Variants in CSF3R observed in about 807,000 individuals in gnomAD.
CSF3R encodes granulocyte colony-stimulating factor receptor.
CSF3R carries 52 observed loss-of-function variants against 84.4 expected under a neutral mutation model. That is an observed-to-expected ratio of 0.62 (90% CI 0.49 to 0.78). CSF3R has a LOEUF of 0.78. Among genes scored for constraint, CSF3R ranks in the 30% least tolerant of loss-of-function variants. CSF3R has a pLI of 0.00. For synonymous variants in CSF3R, 384 were observed against 429.1 expected, an observed-to-expected ratio of 0.89 and a Z score of 1.30; for missense variants, 890 against 1,055.7, an observed-to-expected ratio of 0.84 and a Z score of 2.17.
rs565088221 is a variant in CSF3R at position 36,475,487 on chromosome 1, T to G, written c.251A>C (p.Glu84Ala). 1.5e-5 allele frequency: 25 copies of G among 1,614,042 alleles called. No individual in the cohort carries two copies. The Admixed American group carries it at 3.0e-4, about 19-fold the overall frequency. Residue 84 changes from glutamate (E) to alanine (A), a missense_variant, in exon 4 of 17, where the codon GAA (glutamate) becomes GCA (alanine). By Grantham distance (107) the Glu-to-Ala change is moderately radical. Transcript: ENST00000373106. ...RQQRLSDGTQ[E>A]SIITLPHLNH... ...GAGGTGGGGCAGGGTGATGATAGATTCCTGGGTCCCATCAGACAGACGCTG... is the reference window on the plus strand; with the variant it reads ...GAGGTGGGGCAGGGTGATGATAGATGCCTGGGTCCCATCAGACAGACGCTG...
chr1:36,469,703 T>C lies in CSF3R; in HGVS notation c.1423A>G (p.Lys475Glu), dbSNP rs758590870. 1.9e-6 allele frequency: 3 copies of C among 1,614,040 alleles called. No homozygotes were observed. The African/African-American group carries it at 4.0e-5, about 22-fold the overall frequency. The change falls in exon 11 of 17, where the codon AAG (lysine) becomes GAG (glutamate). Residue 475 changes from lysine to glutamate, a missense_variant. Transcript: ENST00000373106. ...LGPPSASNSNKTWRMEQNGRA... is the reference protein window; with the variant it reads ...LGPPSASNSNETWRMEQNGRA... ...CCATTCTGTTCCATCCTCCAGGTCTTGTTGCTATTGCTCGCGCTGGGGGGG... is the reference window on the plus strand; with the variant it reads ...CCATTCTGTTCCATCCTCCAGGTCTCGTTGCTATTGCTCGCGCTGGGGGGG...
At chr1:36,468,498 C>G in intron 12 of CSF3R, 1 of 344,210 alleles carries the variant, frequency 2.9e-6, no homozygotes, top group South Asian at 6.1e-5. Context: ...CTGATTTCTG[C>G]CACTCACTCT....
chr1:36,471,521 C>T lies in CSF3R; in HGVS notation c.1197G>A (p.Leu399=), dbSNP rs898927823. ...NTTELSCTFH[L]PSEAQEVALV... is the part of the protein sequence containing the mutation. ...GGGCCACCTCCTGGGCTTCTGAAGG[C>T]AGGTGGAAGGTGCAGCTGAGCTCTG... The change falls in exon 10 of 17, where the codon CTG becomes CTA. Residue 399 remains leucine, a synonymous_variant. Coordinates refer to ENST00000373106, the MANE Select transcript of CSF3R (RefSeq NM_000760.4). The T allele has an allele frequency of 6.2e-6, 10 of 1,614,260 alleles. No individual in the cohort carries two copies. The highest frequency in any genetic ancestry group is 8.5e-6 in the Non-Finnish European group (10 of 1,180,052).
rs1053367419 is a variant in CSF3R, at chr1:36,472,801, C to T, written c.674-115G>A. 1.6e-5 allele frequency: 20 copies of T among 1,270,760 alleles called. No homozygotes were observed. Among genetic ancestry groups the T allele is most frequent in the Admixed American group, 1.2e-4 (4 of 34,732 alleles). 78.7% of individuals were successfully genotyped at this position (1,270,760 alleles called of 1,614,324 possible). ...CCATCTGTCCACGTTGCCAATGACACGTTTCTGTGGTTCGATCTCTATGTG... is the reference window on the plus strand; with the variant it reads ...CCATCTGTCCACGTTGCCAATGACATGTTTCTGTGGTTCGATCTCTATGTG... On this transcript the variant is annotated intron_variant, in intron 6 of 16. Coordinates refer to ENST00000373106, the MANE Select transcript of CSF3R (RefSeq NM_000760.4). This position sits in a 1 kb window ranked among gnomAD's most constrained non-coding sequence, Gnocchi z 5.0.
chr1:36,470,447 A>G (rs974529121), intron 10 of CSF3R, among the ~76,000 whole-genome samples: 5 of 152,156 alleles, frequency 3.3e-5, no homozygotes, highest in Non-Finnish European at 5.9e-5. Flanking sequence ...AGCCTCCCAA[A>G]GTGCTGGGAT....
chr1:36,467,769 G>C lies in CSF3R; in HGVS notation c.1864+53C>G. The C allele has an allele frequency of 6.2e-7, 1 of 1,613,970 alleles. No homozygotes were observed. On this transcript the variant is annotated intron_variant, in intron 14 of 16. Transcript: ENST00000373106. The surrounding 1 kb of genome is among the most constrained non-coding windows in gnomAD (Gnocchi z 4.1). The stretch of plus-strand genomic sequence containing the variant: ...GCTACTCTCAAAATCAGCATCCTTT[G>C]GGTGGGGTACCCTCCAAACAGCCAT...
rs747226571 is a variant in CSF3R, at chr1:36,467,301, G to T, written c.1969C>A (p.Pro657Thr). 1 of 1,614,212 alleles carries T rather than the reference G, an allele frequency of 6.2e-7. No individual in the cohort carries two copies. The highest frequency in any genetic ancestry group is 1.7e-5 in the Admixed American group (1 of 60,034). ...WLCCSPNRKN[P>T]LWPSVPDPAH... ...GGGTCTGGGACACTTGGCCAGAGGG[G>T]ATTCTTCCTGCTGGAGAAGGGGGCA... Residue 657 changes from proline (P) to threonine (T), a missense_variant, in exon 16 of 17, where the codon CCC becomes ACC. Coordinates refer to ENST00000373106, the MANE Select transcript of CSF3R (RefSeq NM_000760.4). The surrounding 1 kb of genome is among the most constrained non-coding windows in gnomAD (Gnocchi z 4.1).
rs139332126 is a variant in CSF3R at position 36,473,802 on chromosome 1, C to G, written c.447G>C (p.Glu149Asp). Residue 149 changes from glutamate (E) to aspartate (D), a missense_variant, in exon 5 of 17, where the codon GAG becomes GAC. Physicochemically the swap from Glu to Asp is conservative, Grantham distance 45. Coordinates refer to ENST00000373106, the MANE Select transcript of CSF3R (RefSeq NM_000760.4). Reference protein sequence around the residue: ...SLICQWEPGPETHLPTSFTLK... With the variant: ...SLICQWEPGPDTHLPTSFTLK... ...GAGTGAAGCTGGTGGGTAGGTGGGT[C>G]TCAGGTCCTGGCTCCCACTGGCAGA... 4.4e-3 allele frequency: 7,085 copies of G among 1,614,236 alleles called. 32 individuals are homozygous for G. Among genetic ancestry groups the G allele is most frequent in the Non-Finnish European group, 5.3e-3 (6,259 of 1,180,052 alleles).
chr1:36,466,242 A>T lies in CSF3R; in HGVS notation c.*115T>A. ...GAGAGGGAGATGCTGGTGACTGGAG[A>T]TGGTGAGAGCCTGGGCTGGGGTAGT... On this transcript the variant is annotated 3_prime_UTR_variant, in exon 17 of 17. Transcript: ENST00000373106. This position sits in a 1 kb window ranked among gnomAD's most constrained non-coding sequence, Gnocchi z 4.6. The T allele has an allele frequency of 6.2e-7, 1 of 1,613,848 alleles. No homozygotes were observed. Among genetic ancestry groups the T allele is most frequent in the East Asian group, 2.2e-5 (1 of 44,862 alleles).
At chr1:36,481,599 T>C (rs1651525904) in intron 1 of CSF3R, 62 bp from the exon 2 acceptor site, 1 of 152,260 alleles carries the variant, frequency 6.6e-6, no homozygotes, top group African/African-American at 2.4e-5. Flanking sequence ...TGAAATGAGA[T>C]TATTTTGGTA....
At position 36,469,215 on chromosome 1, in the gene CSF3R, G is replaced by A; in HGVS notation, c.1517C>T (p.Pro506Leu). Residue 506 changes from proline to leucine, a missense_variant, in exon 12 of 17, where the codon CCC becomes CTC. Transcript: ENST00000373106. ...PFQLYEIIVT[P>L]LYQDTMGPSQ... ...GGGTCCCATGGTGTCCTGGTACAAG[G>A]GAGTCACGATGATCTCATAGAGCTG... The A allele has an allele frequency of 6.2e-7, 1 of 1,614,110 alleles. No individual in the cohort carries two copies. Among genetic ancestry groups the A allele is most frequent in the Non-Finnish European group, 8.5e-7 (1 of 1,180,004 alleles).
Position 36,471,188 on chromosome 1 carries a change from G to A in CSF3R, c.1285+245C>T, listed in dbSNP as rs183498048. On this transcript the variant is annotated intron_variant, in intron 10 of 16. Coordinates refer to ENST00000373106, the MANE Select transcript of CSF3R (RefSeq NM_000760.4). ...AGCCTCCGGAGTAGCTGGGATTACA[G>A]GTGCCCGCCACTATGCCTGGCTAAT... Among the ~76,000 whole-genome samples, 231 of 152,260 alleles carry A rather than the reference G, an allele frequency of 1.5e-3. 1 individual carries two copies. Among genetic ancestry groups the A allele is most frequent in the African/African-American group, 5.3e-3 (220 of 41,562 alleles).
rs772652591 is a variant in CSF3R, at chr1:36,472,390, A to T, written c.845T>A (p.Val282Glu). ...AAGGGCCTCCAAGGGGAGGGGGCCC[A>T]CCTGGTGAGGGGTGGACAGGACTCT... The part of the protein sequence containing the change: ...PQRGEASWAL[V>E]GPLPLEALQY... The change falls in exon 8 of 17, where the codon GTG (valine) becomes GAG (glutamate). Residue 282 changes from valine (V) to glutamate (E), a missense_variant and splice_region_variant. By Grantham distance (121) the Val-to-Glu change is moderately radical. Transcript: ENST00000373106. The surrounding 1 kb of genome is among the most constrained non-coding windows in gnomAD (Gnocchi z 5.0). The T allele has an allele frequency of 2.5e-6, 4 of 1,613,934 alleles. No homozygotes were observed. The Admixed American group carries it at 6.7e-5, about 27-fold the overall frequency.
intron 10 of CSF3R, among the ~76,000 whole-genome samples, chr1:36,470,102 G>A (rs990281934): frequency 6.6e-6 from 1 of 152,236 alleles, no homozygotes; most frequent in African/African-American, 2.4e-5. Context: ...TCTTGTTAGT[G>A]ATAACAGCTA....
chr1:36,468,186 T>C lies in CSF3R; in HGVS notation c.1612A>G (p.Ile538Val), dbSNP rs375571657. 1.2e-6 allele frequency: 2 copies of C among 1,609,166 alleles called. No homozygotes were observed. The highest frequency in any genetic ancestry group is 1.7e-6 in the Non-Finnish European group (2 of 1,177,352). ...SHAPELHLKH[I>V]GKTWAQLEWV... ...TCCAGCTGTGCCCAGGTCTTGCCAA[T>C]GTGCTTTAGATGCAGCTCTGGGGCA... The change falls in exon 13 of 17, where the codon ATT (isoleucine) becomes GTT (valine). Residue 538 changes from isoleucine (I) to valine (V), a missense_variant. Physicochemically the swap from Ile to Val is conservative, Grantham distance 29. Coordinates refer to ENST00000373106, the MANE Select transcript of CSF3R (RefSeq NM_000760.4).
At chr1:36,471,756 G>T in intron 9 of CSF3R, 110 bp from the exon 10 acceptor site, 2 of 1,108,290 alleles carry the variant, frequency 1.8e-6, no homozygotes, top group Admixed American at 2.0e-5. Context: ...CCCAGGCTGG[G>T]GTCCAGGCTT....
In CSF3R at chr1:36,469,171, A is replaced by G; in HGVS notation, c.1561T>C (p.Tyr521His). 6.2e-7 allele frequency: 1 copy of G among 1,613,548 alleles called. No individual in the cohort carries two copies. The highest frequency in any genetic ancestry group is 2.2e-5 in the East Asian group (1 of 44,874). Residue 521 changes from tyrosine to histidine, a missense_variant, in exon 12 of 17, where the codon TAC becomes CAC. Tyr to His is a moderately conservative substitution (Grantham distance 83). Coordinates refer to ENST00000373106, the MANE Select transcript of CSF3R (RefSeq NM_000760.4). ...GTTGACAAACCCATTTCTTGAGAGT[A>G]GGCATAGACATGCTGGGAGGGTCCC... The part of the protein sequence containing the change: ...TMGPSQHVYA[Y>H]SQEMAPSHAP...
In CSF3R at chr1:36,469,341, G is replaced by C. The variant is rs983341362; in HGVS notation, c.1475-84C>G. The C allele has an allele frequency of 1.4e-5, 15 of 1,056,864 alleles. No homozygotes were observed. In the African/African-American group the frequency reaches 2.2e-4, roughly 15 times the overall value. 65.5% of individuals were successfully genotyped at this position (1,056,864 alleles called of 1,614,324 possible). ...GGAGCTAGCCTCAGACCTCTAGTGAGGGCTAACCTGGCCTCATGATTCAGG... is the reference window on the plus strand; with the variant it reads ...GGAGCTAGCCTCAGACCTCTAGTGACGGCTAACCTGGCCTCATGATTCAGG... On this transcript the variant is annotated intron_variant, in intron 11 of 16. Coordinates refer to ENST00000373106, the MANE Select transcript of CSF3R (RefSeq NM_000760.4).
Position 36,466,762 on chromosome 1 carries a change from A to G in CSF3R, c.2106T>C (p.Asp702=), listed in dbSNP as rs1650346965. 3 of 1,613,992 alleles carry G rather than the reference A, an allele frequency of 1.9e-6. No individual in the cohort carries two copies. The highest frequency in any genetic ancestry group is 1.3e-5 in the African/African-American group (1 of 74,900). ...ACTCCCAGGGCACCGGCTTCTTTTC[A>G]TCCTCCTCCAGCACTGTGAGCTTGG... is the stretch of plus-strand genomic sequence containing the variant. The part of the protein sequence containing the change: ...PITKLTVLEE[D]EKKPVPWESH... The change falls in exon 17 of 17, where the codon GAT becomes GAC. Residue 702 remains aspartate, a synonymous_variant. Transcript: ENST00000373106. The surrounding 1 kb of genome is among the most constrained non-coding windows in gnomAD (Gnocchi z 4.6).
Sources: gnomAD v4.1 joint callset for allele counts (sites outside exome capture counted in the v4.1 genomes callset) on GRCh38, gnomAD v4.1.1 for gene constraint, Gnocchi (gnomAD v3.1) non-coding constraint, MANE v1.5 for transcripts, NCBI Gene and HGNC (gene_info 2026-07-23, HGNC 2026-07-21) for gene names.